The following SLC20A2 variants were observed in gnomAD, a reference collection of about 807,000 sequenced individuals.
SLC20A2 encodes the protein sodium-dependent phosphate transporter 2.
A neutral mutation model predicts 61.0 loss-of-function variants in SLC20A2; 30 were observed. The observed-to-expected ratio is 0.49, with a 90% CI of 0.37 to 0.67. The LOEUF (loss-of-function observed/expected upper bound fraction) is 0.67. SLC20A2 is among the 30% of genes least tolerant of loss of function. The pLI is 0.00. For synonymous variants in SLC20A2, 351 were observed against 353.3 expected (o/e 0.99, Z 0.07); for missense variants, 626 against 866.4 (o/e 0.72, Z 3.48).
In SLC20A2 at chr8:42,429,426, G is replaced by T. The variant is rs556536597; in HGVS notation, c.1710-584C>A. Among the ~76,000 whole-genome samples the T allele has an allele frequency of 5.9e-5, 9 of 152,252 alleles. No homozygotes were observed. The South Asian group carries it at 1.2e-3, about 21-fold the overall frequency. ...CCCAGCTGCCTTTGGATCACTTCCTGAAACTCCCAGAGCCTGTAGGAAAAG... is the reference window on the plus strand; with the variant it reads ...CCCAGCTGCCTTTGGATCACTTCCTTAAACTCCCAGAGCCTGTAGGAAAAG... On this transcript the variant is annotated intron_variant, in intron 9 of 10. Coordinates refer to ENST00000520262, the MANE Select transcript of SLC20A2 (RefSeq NM_001257180.2).
At chr8:42,536,296 G>A (rs144337350) in intron 1 of SLC20A2, 49 of 152,330 alleles carry the variant, frequency 3.2e-4, no homozygotes, top group African/African-American at 1.1e-3. Flanking sequence ...CTACCCCCAA[G>A]ATAAATGATA....
chr8:42,539,429 AACTT>A (rs1393448490), intron 1 of SLC20A2, among the ~76,000 whole-genome samples: 1 of 152,246 alleles, frequency 6.6e-6, no homozygotes, highest in Non-Finnish European at 1.5e-5. Context: ...CCAATCAAAA[AACTT>A]ACTATTAATG....
chr8:42,445,283 C>A (rs755621961), intron 5 of SLC20A2, among the ~76,000 whole-genome samples: 1 of 151,818 alleles, frequency 6.6e-6, no homozygotes, highest in South Asian at 2.1e-4. Context: ...CAGAGCGAGA[C>A]TCCATCTCAA....
rs564128764 is a variant in SLC20A2 at position 42,516,533 on chromosome 8, A to G, written c.-265+25288T>C. Among the ~76,000 whole-genome samples the G allele has an allele frequency of 3.3e-5, 5 of 152,344 alleles. No individual in the cohort carries two copies. The South Asian group carries it at 6.2e-4, about 19-fold the overall frequency. Reference sequence around the variant, plus strand: ...TTGCTGGAGAGCTCTCACCACCACAAGATTCTGTCTTAGACCAAGTAAAAA... The same window carrying G: ...TTGCTGGAGAGCTCTCACCACCACAGGATTCTGTCTTAGACCAAGTAAAAA... On this transcript the variant is annotated intron_variant, in intron 1 of 10. Transcript: ENST00000342228.
intron 7 of SLC20A2, among the ~76,000 whole-genome samples, chr8:42,438,071 A>AAAAAAAAAAAAAAAAAAAAAAAG (rs1804465497): frequency 6.8e-6 from 1 of 147,488 alleles, no homozygotes; most frequent in Non-Finnish European, 1.5e-5. Flanking sequence ...ACCAAAAAAA[A>AAAAAAAAAAAAAAAAAAAAAAAG]AAAAAAAAAA....
intron 8 of SLC20A2, among the ~76,000 whole-genome samples, chr8:42,431,484 G>A (rs1586006597): frequency 6.6e-6 from 1 of 152,252 alleles, no homozygotes; most frequent in African/African-American, 2.4e-5. Context: ...TAGCATAAAA[G>A]TGCAAGGTGA....
chr8:42,439,100 C>T (rs1209275578), intron 7 of SLC20A2, among the ~76,000 whole-genome samples: 18 of 152,188 alleles, frequency 1.2e-4, no homozygotes. Flanking sequence ...TTTGCATCTT[C>T]CATAGTAAGC....
intron 7 of SLC20A2, among the ~76,000 whole-genome samples, chr8:42,438,085 A>AAAAAAC (rs1401813867): frequency 3.2e-4 from 48 of 149,346 alleles, no homozygotes; most frequent in Non-Finnish European, 5.5e-4. Context: ...AAAAAAAAAA[A>AAAAAAC]AAAACATGGA....
chr8:42,479,760 G>C (rs924969254), intron 1 of SLC20A2, among the ~76,000 whole-genome samples: 4 of 152,174 alleles, frequency 2.6e-5, no homozygotes, highest in Non-Finnish European at 5.9e-5. Context: ...GGGAGGCAGA[G>C]GTTGCAGTGA....
At chr8:42,458,892 G>A (rs1806436516) in intron 5 of SLC20A2, among the ~76,000 whole-genome samples, 1 of 150,722 alleles carries the variant, frequency 6.6e-6, no homozygotes, top group Non-Finnish European at 1.5e-5. Context: ...CTGGGCAACA[G>A]AGCGAGCCTC....
At chr8:42,439,689 G>A (rs755839772) in intron 6 of SLC20A2, 36 bp from the exon 7 acceptor site, 5 of 1,412,310 alleles carry the variant, frequency 3.5e-6, no homozygotes, top group South Asian at 1.2e-5. Context: ...CATTCTGGAA[G>A]AGAGTTCTTA....
chr8:42,461,463 T>G, intron 4 of SLC20A2, among the ~76,000 whole-genome samples: 1 of 151,780 alleles, frequency 6.6e-6, no homozygotes, highest in Non-Finnish European at 1.5e-5. Flanking sequence ...TCTTTTTTTT[T>G]TTTTTTTAGA....
At position 42,465,221 on chromosome 8, in the gene SLC20A2, T is replaced by C. The variant is rs148682655; in HGVS notation, c.430+556A>G. Among the ~76,000 whole-genome samples, 609 of 151,314 alleles carry C rather than the reference T, an allele frequency of 4.0e-3. 3 individuals carry two copies. Among genetic ancestry groups the C allele is most frequent in the African/African-American group, 0.014 (593 of 41,344 alleles). ...TACAGGTACCTGCCATCATGCCCAGTTAATTTTTGTATTTTTGTAGAGATG... is the reference window on the plus strand; with the variant it reads ...TACAGGTACCTGCCATCATGCCCAGCTAATTTTTGTATTTTTGTAGAGATG... On this transcript the variant is annotated intron_variant, in intron 3 of 10. Coordinates refer to ENST00000520262, the MANE Select transcript of SLC20A2 (RefSeq NM_001257180.2).
chr8:42,508,202 A>G (rs1467999366), intron 1 of SLC20A2, among the ~76,000 whole-genome samples: 5 of 151,084 alleles, frequency 3.3e-5, no homozygotes, highest in African/African-American at 4.9e-5. Context: ...AGCCAGGTGC[A>G]GTGGCTCACA....
intron 1 of SLC20A2, among the ~76,000 whole-genome samples, chr8:42,508,970 G>A (rs1439524532): frequency 6.6e-6 from 1 of 152,164 alleles, no homozygotes; most frequent in Non-Finnish European, 1.5e-5. Context: ...TCACTTTGTA[G>A]TTGTCTTGGG....
At chr8:42,536,813 C>T (rs1429062832) in intron 1 of SLC20A2, among the ~76,000 whole-genome samples, 2 of 152,130 alleles carry the variant, frequency 1.3e-5, no homozygotes, top group African/African-American at 4.8e-5. Flanking sequence ...GTGGTTCACA[C>T]CTGTAATCAC....
chr8:42,446,485 GAAC>G (rs142311285), intron 5 of SLC20A2, among the ~76,000 whole-genome samples: 2,718 of 152,282 alleles, frequency 0.018, 75 homozygotes, highest in African/African-American at 0.06. Flanking sequence ...ATAATTTGTA[GAAC>G]AACTAATATA....
intron 1 of SLC20A2, among the ~76,000 whole-genome samples, chr8:42,519,004 T>A (rs1299852263): frequency 6.6e-6 from 1 of 152,226 alleles, no homozygotes; most frequent in Non-Finnish European, 1.5e-5. Flanking sequence ...AAAAGCTATG[T>A]GGAACGCACA....
intron 2 of SLC20A2, chr8:42,470,992 A>G: frequency 2.9e-6 from 1 of 347,064 alleles, no homozygotes; most frequent in Non-Finnish European, 5.6e-6. Context: ...AAAAAAAAAG[A>G]AAAGAAAAAA....
Sources: allele counts gnomAD v4.1 joint callset (sites outside exome capture counted in the v4.1 genomes callset), GRCh38; gene constraint gnomAD v4.1.1; transcripts MANE v1.5; gene names NCBI Gene and HGNC (gene_info 2026-07-23, HGNC 2026-07-21).